The following NEDD4 variants were observed in gnomAD, a reference collection of about 807,000 sequenced individuals.
NEDD4 encodes E3 ubiquitin-protein ligase NEDD4.
Under a neutral mutation model 144.9 loss-of-function variants are expected in NEDD4, and 99 were observed. The ratio of observed to expected loss-of-function variants is 0.68; its 90% CI spans 0.58 to 0.81. NEDD4 has a LOEUF of 0.81. Among genes scored for constraint, NEDD4 ranks in the 30% least tolerant of loss-of-function variants. The probability of loss-of-function intolerance (pLI) is 0.00; values close to 1 mark genes in which losing one functional copy is unlikely to be tolerated. For missense variants in NEDD4, 985 were observed against 1,065.9 expected (o/e 0.92, Z 1.06); for synonymous variants, 318 against 350.6 (o/e 0.91, Z 1.04).
At chr15:55,874,110 T>C in intron 5 of NEDD4, 102 bp from the exon 6 acceptor site, 1 of 625,386 alleles carries the variant, frequency 1.6e-6, no homozygotes, top group Non-Finnish European at 2.7e-6. Context: ...TAGAGTTTTT[T>C]TTTTATTCAG....
At chr15:55,834,013 T>A (rs749121566) in intron 26 of NEDD4, 25 bp downstream of exon 26, 1 of 1,517,084 alleles carries the variant, frequency 6.6e-7, no homozygotes, top group South Asian at 1.1e-5. Flanking sequence ...AAAAGTAAGT[T>A]ATGAAAATAG....
chr15:55,838,386 A>C, intron 22 of NEDD4, 123 bp downstream of exon 22: 1 of 766,964 alleles, frequency 1.3e-6, no homozygotes, highest in Non-Finnish European at 2.1e-6. Flanking sequence ...GCTCAGAGAC[A>C]GCTTTTGTTA....
chr15:55,927,934 T>C (rs1323581397), intron 4 of NEDD4, among the ~76,000 whole-genome samples: 2 of 152,206 alleles, frequency 1.3e-5, no homozygotes, highest in African/African-American at 2.4e-5. Flanking sequence ...ACACTGCAGA[T>C]GTTTAATGAA....
chr15:55,899,591 A>T (rs2035847881), intron 5 of NEDD4, among the ~76,000 whole-genome samples: 1 of 152,210 alleles, frequency 6.6e-6, no homozygotes, highest in Non-Finnish European at 1.5e-5. Context: ...AGCCATTGGG[A>T]TGGGGCTCCA....
intron 4 of NEDD4, 33 bp from the exon 5 acceptor site, chr15:55,924,732 G>C (rs902089544): frequency 1.3e-6 from 2 of 1,579,716 alleles, no homozygotes; most frequent in South Asian, 1.1e-5. Context: ...TTAAAAACAA[G>C]TAAACATCAA....
In NEDD4 at chr15:55,885,107, T is replaced by G. The variant is rs115106841; in HGVS notation, c.292-11099A>C. On this transcript the variant is annotated intron_variant, in intron 5 of 28. Transcript: ENST00000435532. ...TCCAGTACATCAGGAAGCAGACTTT[T>G]CAGTGGAAACCTTATTACCTTGGAG... Among the ~76,000 whole-genome samples, 435 of 152,330 alleles carry G rather than the reference T, an allele frequency of 2.9e-3. 3 individuals are homozygous for G. Among genetic ancestry groups the G allele is most frequent in the African/African-American group, 1.0e-2 (415 of 41,580 alleles).
At chr15:55,855,400 G>GA (rs746976966) in intron 12 of NEDD4, among the ~76,000 whole-genome samples, 11 of 152,182 alleles carry the variant, frequency 7.2e-5, no homozygotes, top group Non-Finnish European at 1.2e-4. Flanking sequence ...CTGCTTGGAA[G>GA]AAAAAGCATA....
Position 55,831,026 on chromosome 15 carries a change from C to A in NEDD4, c.2528-440G>T, listed in dbSNP as rs969157439. ...CTCTGGCTCCTGGGTTCAAATGATT[C>A]TCATGCCTCAGCCCTCCCAAGAAGC... On this transcript the variant is annotated intron_variant, in intron 27 of 28. Coordinates refer to ENST00000435532, the MANE Select transcript of NEDD4 (RefSeq NM_006154.4). Among the ~76,000 whole-genome samples the A allele has an allele frequency of 4.6e-5, 7 of 152,214 alleles. No homozygotes were observed. The South Asian group carries it at 1.5e-3, about 32-fold the overall frequency.
rs966289264 is a variant in NEDD4 at position 55,924,502 on chromosome 15, C to G, written c.291+144G>C. On this transcript the variant is annotated intron_variant, in intron 5 of 28. Coordinates refer to ENST00000435532, the MANE Select transcript of NEDD4 (RefSeq NM_006154.4). ...AGGACCAGGAGGAAGAAAACAAATTCTATCTCCCTCACCATTTTGCCCAGA... is the reference window on the plus strand; with the variant it reads ...AGGACCAGGAGGAAGAAAACAAATTGTATCTCCCTCACCATTTTGCCCAGA... The G allele has an allele frequency of 5.1e-5, 33 of 645,356 alleles. No homozygotes were observed. The South Asian group carries it at 6.3e-4, about 12-fold the overall frequency. 40.0% of individuals were successfully genotyped at this position (645,356 alleles called of 1,614,324 possible).
rs201682687 is a variant in NEDD4, at chr15:55,848,548, C to T, written c.1456G>A (p.Asp486Asn). The T allele has an allele frequency of 6.2e-6, 10 of 1,613,596 alleles. No homozygotes were observed. In the East Asian group the frequency reaches 2.0e-4, roughly 32 times the overall value. ...TGATTTATGTAGAAGATTCTTCCATCTGTGTGAGTTCTCTCTTCCCATCCT... is the reference window on the plus strand; with the variant it reads ...TGATTTATGTAGAAGATTCTTCCATTTGTGTGAGTTCTCTCTTCCCATCCT... ...PPGWEERTHT[D>N]GRIFYINHNI... is the part of the protein sequence containing the mutation. The change falls in exon 16 of 29, where the codon GAT becomes AAT. Residue 486 changes from aspartate to asparagine, a missense_variant. Transcript: ENST00000435532.
At chr15:55,837,755 C>A in intron 24 of NEDD4, 34 bp downstream of exon 24, 1 of 1,532,016 alleles carries the variant, frequency 6.5e-7, no homozygotes, top group African/African-American at 1.4e-5. Flanking sequence ...TATACTGTGA[C>A]ATTATGGAAG....
intron 4 of NEDD4, among the ~76,000 whole-genome samples, chr15:55,932,937 C>T (rs1256447040): frequency 1.3e-5 from 2 of 152,138 alleles, no homozygotes; most frequent in Admixed American, 6.5e-5. Context: ...TCATCACTGG[C>T]CATCAGAGAG....
rs762058810 is a variant in NEDD4 at position 55,841,922 on chromosome 15, A to G, written c.1838+12T>C. The G allele has an allele frequency of 6.3e-7, 1 of 1,591,978 alleles. No homozygotes were observed. Among genetic ancestry groups the G allele is most frequent in the South Asian group, 1.1e-5 (1 of 90,620 alleles). On this transcript the variant is annotated intron_variant, in intron 19 of 28. Coordinates refer to ENST00000435532, the MANE Select transcript of NEDD4 (RefSeq NM_006154.4). ...TTCTTTTTCTGCCGATAATCATTGT[A>G]AAGGTACTTACGTAGCAGAATATTC...
intron 5 of NEDD4, chr15:55,915,666 T>C: frequency 1.2e-6 from 2 of 1,613,948 alleles, no homozygotes; most frequent in Non-Finnish European, 1.7e-6. Flanking sequence ...TGTTTCACAG[T>C]CTAATGTAGC....
intron 1 of NEDD4, among the ~76,000 whole-genome samples, chr15:55,980,631 G>C (rs2037782558): frequency 1.3e-5 from 2 of 152,202 alleles, no homozygotes; most frequent in African/African-American, 4.8e-5. Flanking sequence ...AAGAGATCGA[G>C]TGAATTCTCA....
intron 4 of NEDD4, among the ~76,000 whole-genome samples, chr15:55,930,333 T>G (rs1233731745): frequency 6.6e-6 from 1 of 152,186 alleles, no homozygotes; most frequent in Non-Finnish European, 1.5e-5. Context: ...CACTGTATGT[T>G]ATCTATTAAT....
At chr15:55,830,202 C>G (rs2032882128) in intron 28 of NEDD4, among the ~76,000 whole-genome samples, 1 of 152,184 alleles carries the variant, frequency 6.6e-6, no homozygotes, top group Non-Finnish European at 1.5e-5. Context: ...CTGCCCCCAC[C>G]ACATCTTCCA....
chr15:55,862,481 G>A (rs957564580), intron 9 of NEDD4, among the ~76,000 whole-genome samples: 5 of 152,044 alleles, frequency 3.3e-5, no homozygotes, highest in Non-Finnish European at 4.4e-5. Context: ...TCAAATGCGC[G>A]TTTAACGTAA....
chr15:55,988,834 A>C (rs12595514), intron 1 of NEDD4, among the ~76,000 whole-genome samples: 23,618 of 152,166 alleles, frequency 0.16, 3,439 homozygotes, highest in East Asian at 0.44. Flanking sequence ...ATGGCAAAAA[A>C]AGGTGATGGA....
Sources: allele counts gnomAD v4.1 joint callset (sites outside exome capture counted in the v4.1 genomes callset), GRCh38; gene constraint gnomAD v4.1.1; transcripts MANE v1.5; gene names NCBI Gene and HGNC (gene_info 2026-07-23, HGNC 2026-07-21).